CTNNA2: variants seen among roughly 807,000 people sequenced by gnomAD.
CTNNA2 encodes the protein catenin alpha 2.
A neutral mutation model predicts 101.0 loss-of-function variants in CTNNA2; 42 were observed. That is an observed-to-expected ratio of 0.42 (90% CI 0.32 to 0.54). The LOEUF is 0.54. CTNNA2 is among the 20% of genes least tolerant of loss of function. The pLI is 0.14. For missense variants in CTNNA2, 871 were observed against 1,223.1 expected, an observed-to-expected ratio of 0.71 and a Z score of 4.29; for synonymous variants, 450 against 456.4, an observed-to-expected ratio of 0.99 and a Z score of 0.18.
At chr2:79,190,160 A>T (rs1311723217) in intron 1 of CTNNA2, among the ~76,000 whole-genome samples, 1 of 152,098 alleles carries the variant, frequency 6.6e-6, no homozygotes, top group East Asian at 1.9e-4. Flanking sequence ...TCATACTAAT[A>T]ATTTTTGATT....
intron 1 of CTNNA2, among the ~76,000 whole-genome samples, chr2:79,649,690 T>A (rs1681081179): frequency 6.6e-6 from 1 of 152,180 alleles, no homozygotes; most frequent in South Asian, 2.1e-4. Flanking sequence ...AGGCAGCATG[T>A]CGGTGCCAAC....
intron 3 of CTNNA2, among the ~76,000 whole-genome samples, chr2:79,346,619 A>T (rs1314469531): frequency 6.6e-6 from 1 of 152,186 alleles, no homozygotes; most frequent in Non-Finnish European, 1.5e-5. Context: ...AGAGATCCCT[A>T]TGTGATTAGG....
intron 7 of CTNNA2, among the ~76,000 whole-genome samples, chr2:79,979,139 G>C (rs953123850): frequency 6.6e-6 from 1 of 152,142 alleles, no homozygotes; most frequent in South Asian, 2.1e-4. Flanking sequence ...TAATCCCCGA[G>C]ACTCCAGAGG....
chr2:80,053,999 G>A (rs1256587167), intron 7 of CTNNA2, among the ~76,000 whole-genome samples: 2 of 152,144 alleles, frequency 1.3e-5, no homozygotes, highest in African/African-American at 4.8e-5. Context: ...AGCACAACAG[G>A]GATAAGTTTA....
At chr2:79,307,879 G>GT (rs1054683553) in intron 2 of CTNNA2, among the ~76,000 whole-genome samples, 5 of 151,766 alleles carry the variant, frequency 3.3e-5, no homozygotes, top group South Asian at 2.1e-4. Context: ...ACCAACATTT[G>GT]TTTTTTTTCT....
At chr2:80,310,972 CAAAAAAAA>C (rs3040535) in intron 7 of CTNNA2, among the ~76,000 whole-genome samples, 5 of 96,404 alleles carry the variant, frequency 5.2e-5, no homozygotes, top group Non-Finnish European at 6.9e-5. Flanking sequence ...GACTCCATCT[CAAAAAAAA>C]AAAAAAAAAA....
chr2:79,542,313 G>A (rs1452082553), intron 1 of CTNNA2, among the ~76,000 whole-genome samples: 1 of 152,128 alleles, frequency 6.6e-6, no homozygotes, highest in Non-Finnish European at 1.5e-5. Context: ...GTTATCTGAT[G>A]TTAAAAGTAA....
At chr2:79,518,162 A>C (rs1450165562) in intron 1 of CTNNA2, among the ~76,000 whole-genome samples, 1 of 152,246 alleles carries the variant, frequency 6.6e-6, no homozygotes, top group East Asian at 1.9e-4. Flanking sequence ...CATGGATAAA[A>C]AAGTAATATA....
intron 12 of CTNNA2, among the ~76,000 whole-genome samples, chr2:80,559,398 C>T (rs1309651673): frequency 6.6e-6 from 1 of 152,136 alleles, no homozygotes; most frequent in African/African-American, 2.4e-5. Flanking sequence ...TAGGGAGACT[C>T]CCACTTTACC....
intron 7 of CTNNA2, among the ~76,000 whole-genome samples, chr2:80,361,890 A>G (rs1484972305): frequency 6.6e-6 from 1 of 152,182 alleles, no homozygotes; most frequent in Non-Finnish European, 1.5e-5. Flanking sequence ...TGCAAAGACA[A>G]AAAGAAATCA....
intron 7 of CTNNA2, among the ~76,000 whole-genome samples, chr2:80,260,846 A>T (rs922334427): frequency 1.3e-5 from 2 of 152,200 alleles, no homozygotes; most frequent in African/African-American, 4.8e-5. Context: ...GCATTTGAGG[A>T]TGTATTCTTT....
intron 7 of CTNNA2, among the ~76,000 whole-genome samples, chr2:80,037,699 A>G (rs2104244876): frequency 6.6e-6 from 1 of 152,338 alleles, no homozygotes; most frequent in African/African-American, 2.4e-5. Flanking sequence ...AATGGGCAAT[A>G]GCAATGGTTC....
chr2:80,364,857 A>G (rs946118451), intron 7 of CTNNA2, among the ~76,000 whole-genome samples: 4 of 152,122 alleles, frequency 2.6e-5, no homozygotes, highest in Non-Finnish European at 5.9e-5. Context: ...TATCTTTTCT[A>G]AGCAAGGGAA....
rs183335733 is a variant in CTNNA2 at position 80,611,275 on chromosome 2, A to G, written c.2430+2957A>G. On this transcript the variant is annotated intron_variant, in intron 17 of 18. Transcript: ENST00000402739. ...AAGCCAGTTTACAGGCTTTTTTGAG[A>G]AAAAGAATATTGAAAGCAGAAAGAA... Among the ~76,000 whole-genome samples, 32 of 151,322 alleles carry G rather than the reference A, an allele frequency of 2.1e-4. No individual in the cohort carries two copies. The East Asian group carries it at 6.1e-3, about 29-fold the overall frequency.
chr2:79,409,969 T>C (rs965521117), intron 4 of CTNNA2, among the ~76,000 whole-genome samples: 1 of 151,962 alleles, frequency 6.6e-6, no homozygotes, highest in Non-Finnish European at 1.5e-5. Flanking sequence ...TATCCTCTTT[T>C]ATTTCATTGA....
At chr2:80,168,787 AT>A (rs1231025504) in intron 7 of CTNNA2, among the ~76,000 whole-genome samples, 1 of 150,846 alleles carries the variant, frequency 6.6e-6, no homozygotes, top group Admixed American at 6.6e-5. Flanking sequence ...TCAGGTACAC[AT>A]TTTTTTTTAG....
chr2:79,905,038 C>T (rs773503845), intron 6 of CTNNA2, among the ~76,000 whole-genome samples: 5 of 152,202 alleles, frequency 3.3e-5, no homozygotes, highest in South Asian at 2.1e-4. Context: ...GTTATAGCAC[C>T]GACTTGAAGG....
At chr2:79,560,527 A>G (rs1421089949) in intron 1 of CTNNA2, among the ~76,000 whole-genome samples, 1 of 151,960 alleles carries the variant, frequency 6.6e-6, no homozygotes, top group East Asian at 1.9e-4. Flanking sequence ...AGGAAAAACA[A>G]TAGGAGTATG....
intron 6 of CTNNA2, among the ~76,000 whole-genome samples, chr2:79,892,531 T>C (rs897250374): frequency 6.6e-6 from 1 of 152,170 alleles, no homozygotes. Context: ...TTATTTAAAA[T>C]ATAATAGAAT....
Sources: gnomAD v4.1 joint callset for allele counts (sites outside exome capture counted in the v4.1 genomes callset) on GRCh38, gnomAD v4.1.1 for gene constraint, MANE v1.5 for transcripts, NCBI Gene and HGNC (gene_info 2026-07-23, HGNC 2026-07-21) for gene names.